The following POU2F1 variants were observed in gnomAD, a reference collection of about 807,000 sequenced individuals.
POU2F1 encodes POU class 2 homeobox 1, also known as POU domain, class 2, transcription factor 1.
A neutral mutation model predicts 84.9 loss-of-function variants in POU2F1; 16 were observed. The observed-to-expected ratio is 0.19, with a 90% CI of 0.13 to 0.29. POU2F1 has a LOEUF of 0.29. Ranked by LOEUF, POU2F1 falls within the 10% of genes least tolerant of loss-of-function variation. The pLI is 1.00. For missense variants in POU2F1, 738 were observed against 942.6 expected (o/e 0.78, Z 2.84); for synonymous variants, 368 against 368.3 (o/e 1.00, Z 0.01).
chr1:167,340,073 G>A (rs1192781539), intron 2 of POU2F1, among the ~76,000 whole-genome samples: 1 of 152,132 alleles, frequency 6.6e-6, no homozygotes, highest in Admixed American at 6.5e-5. Context: ...TAGCTATAAA[G>A]GGGAGCAGAA....
intron 1 of POU2F1, among the ~76,000 whole-genome samples, chr1:167,321,990 A>C (rs988950288): frequency 6.6e-6 from 1 of 152,194 alleles, no homozygotes; most frequent in Non-Finnish European, 1.5e-5. Context: ...TGCAAAATAT[A>C]ACTACTTTGA....
intron 2 of POU2F1, chr1:167,337,909 T>TTA: frequency 2.9e-6 from 1 of 348,394 alleles, no homozygotes; most frequent in South Asian, 2.2e-5. Context: ...GCAATCGGGT[T>TTA]TATGATCAGG....
chr1:167,314,176 C>G (rs1655708251), intron 1 of POU2F1, among the ~76,000 whole-genome samples: 1 of 125,742 alleles, frequency 8.0e-6, no homozygotes, highest in Non-Finnish European at 1.6e-5. Flanking sequence ...CCAGCCTGGG[C>G]AACAGAGCAA....
intron 12 of POU2F1, among the ~76,000 whole-genome samples, chr1:167,399,709 C>T (rs1419798091): frequency 1.3e-5 from 2 of 151,950 alleles, no homozygotes; most frequent in East Asian, 3.9e-4. Flanking sequence ...AGTCTCATTC[C>T]ATCACCCAGG....
intron 13 of POU2F1, among the ~76,000 whole-genome samples, chr1:167,410,067 A>C (rs372786543): frequency 8.6e-4 from 131 of 152,374 alleles, no homozygotes; most frequent in African/African-American, 3.1e-3. Context: ...TGAGAGATTT[A>C]GAACCAAAGA....
chr1:167,363,506 C>T (rs1659477199), intron 2 of POU2F1, among the ~76,000 whole-genome samples: 1 of 152,108 alleles, frequency 6.6e-6, no homozygotes, highest in Non-Finnish European at 1.5e-5. Context: ...AAACGCATGA[C>T]TTTAAAATAG....
At chr1:167,335,754 A>G (rs1237957408) in intron 2 of POU2F1, among the ~76,000 whole-genome samples, 1 of 152,192 alleles carries the variant, frequency 6.6e-6, no homozygotes, top group Non-Finnish European at 1.5e-5. Context: ...TATATACTTT[A>G]TGTCGTAATT....
Position 167,332,099 on chromosome 1 carries a change from A to G in POU2F1, c.62-371A>G, listed in dbSNP as rs374873655. On this transcript the variant is annotated intron_variant, in intron 1 of 15. Coordinates refer to ENST00000367866, the MANE Select transcript of POU2F1 (RefSeq NM_002697.4). ...AAAAGATACTTTATTTGGGAATAAC[A>G]TTTTATTATGTGAGGTGCTTCCCCC... is the stretch of plus-strand genomic sequence containing the variant. Among the ~76,000 whole-genome samples, 37 of 152,214 alleles carry G rather than the reference A, an allele frequency of 2.4e-4. 1 individual carries two copies. In the South Asian group the frequency reaches 7.0e-3, roughly 29 times the overall value.
intron 15 of POU2F1, 47 bp downstream of exon 15, chr1:167,413,161 G>A: frequency 7.6e-7 from 1 of 1,322,898 alleles, no homozygotes; most frequent in Non-Finnish European, 1.0e-6. Context: ...ACGTGTGTGT[G>A]AGTGTGTGTG....
chr1:167,401,768 C>T (rs975862906), intron 13 of POU2F1, among the ~76,000 whole-genome samples: 3 of 152,198 alleles, frequency 2.0e-5, no homozygotes, highest in Admixed American at 6.5e-5. Flanking sequence ...TTTGTCAATT[C>T]GTGAAGGTTA....
At chr1:167,260,178 A>G (rs1037367181) in intron 1 of POU2F1, among the ~76,000 whole-genome samples, 3 of 152,158 alleles carry the variant, frequency 2.0e-5, no homozygotes, top group Non-Finnish European at 2.9e-5. Flanking sequence ...GCACCCGGCT[A>G]ATTGTGTTTC....
Position 167,419,102 on chromosome 1 carries a change from C to T in POU2F1, c.*3292C>T, listed in dbSNP as rs544722450. 1.3e-5 allele frequency: 2 copies of T among 152,028 alleles called. No homozygotes were observed. The highest frequency in any genetic ancestry group is 2.9e-5 in the Non-Finnish European group (2 of 67,976). 9.4% of individuals were successfully genotyped at this position (152,028 alleles called of 1,614,324 possible). ...TCATGAACACCTTAGTCATTTTTTA[C>T]TTTACGTATATATTTTTTTATCATC... On this transcript the variant is annotated 3_prime_UTR_variant, in exon 16 of 16. Coordinates refer to ENST00000367866, the MANE Select transcript of POU2F1 (RefSeq NM_002697.4).
At chr1:167,408,783 AT>A (rs1434799682) in intron 13 of POU2F1, among the ~76,000 whole-genome samples, 3 of 152,232 alleles carry the variant, frequency 2.0e-5, no homozygotes, top group African/African-American at 7.2e-5. Flanking sequence ...CTGTAAGTTG[AT>A]TAAAAGTCAT....
At chr1:167,395,996 A>G (rs926265548) in intron 9 of POU2F1, among the ~76,000 whole-genome samples, 5 of 152,222 alleles carry the variant, frequency 3.3e-5, no homozygotes, top group Non-Finnish European at 1.5e-5. Flanking sequence ...TTTGATACCT[A>G]GTTGAAATTT....
At chr1:167,414,356 A>T in intron 15 of POU2F1, 1 of 985,380 alleles carries the variant, frequency 1.0e-6, no homozygotes, top group Non-Finnish European at 1.2e-6. Flanking sequence ...CTCTGAAAAG[A>T]TACTAAGTTT....
At chr1:167,389,530 G>A (rs1013367726) in intron 8 of POU2F1, 58 bp from the exon 9 acceptor site, 18 of 1,592,020 alleles carry the variant, frequency 1.1e-5, no homozygotes, top group Non-Finnish European at 1.5e-5. Flanking sequence ...TTTACTTGGA[G>A]TAAACCTAAA....
chr1:167,287,651 A>G (rs967679117), intron 1 of POU2F1, among the ~76,000 whole-genome samples: 4 of 152,208 alleles, frequency 2.6e-5, no homozygotes, highest in African/African-American at 7.2e-5. Context: ...GAGAAGTTCA[A>G]AGTTATGGAA....
intron 1 of POU2F1, among the ~76,000 whole-genome samples, chr1:167,277,222 G>C (rs1487189907): frequency 1.3e-5 from 2 of 151,768 alleles, no homozygotes; most frequent in African/African-American, 4.8e-5. Context: ...TCTACTTTGG[G>C]TTTTTTGTTT....
At chr1:167,275,150 C>G (rs1467343929) in intron 1 of POU2F1, among the ~76,000 whole-genome samples, 2 of 151,442 alleles carry the variant, frequency 1.3e-5, no homozygotes, top group East Asian at 3.9e-4. Flanking sequence ...AGCCTTCCCC[C>G]AGTAGCTGAG....
Sources: allele counts gnomAD v4.1 joint callset (sites outside exome capture counted in the v4.1 genomes callset), GRCh38; gene constraint gnomAD v4.1.1; transcripts MANE v1.5; gene names NCBI Gene and HGNC (gene_info 2026-07-23, HGNC 2026-07-21).